The following HDX variants were observed in gnomAD, a reference collection of about 807,000 sequenced individuals.
HDX encodes highly divergent homeobox.
A neutral mutation model predicts 45.2 loss-of-function variants in HDX; 19 were observed. That is an observed-to-expected ratio of 0.42 (90% CI 0.29 to 0.62). The LOEUF (loss-of-function observed/expected upper bound fraction) is 0.62. HDX is among the 20% of genes least tolerant of loss of function. HDX has a pLI of 0.20. For missense variants in HDX, 532 were observed against 493.9 expected (o/e 1.08, Z -0.73); for synonymous variants, 188 against 172.8 (o/e 1.09, Z -0.69).
At chrX:84,457,434 A>C (rs1486837740) in intron 4 of HDX, among the ~76,000 whole-genome samples, 2 of 112,095 alleles carry the variant, frequency 1.8e-5, no homozygotes, top group East Asian at 5.6e-4. Flanking sequence ...ATACTGGTGC[A>C]ACAAAACATT....
intron 5 of HDX, among the ~76,000 whole-genome samples, chrX:84,391,836 T>C (rs2038450521): frequency 8.9e-6 from 1 of 111,981 alleles, no homozygotes; most frequent in South Asian, 3.7e-4. Context: ...ATTCTGGATA[T>C]TAGTCCCTTA....
chrX:84,461,489 AC>A (rs1201007801), intron 4 of HDX, among the ~76,000 whole-genome samples: 1 of 109,393 alleles, frequency 9.1e-6, no homozygotes, highest in Admixed American at 9.7e-5. Context: ...ATGAAACTAG[AC>A]CCCCATCTCT....
intron 5 of HDX, among the ~76,000 whole-genome samples, chrX:84,380,852 C>A (rs1374258484): frequency 9.1e-6 from 1 of 110,378 alleles, no homozygotes; most frequent in Non-Finnish European, 1.9e-5. Flanking sequence ...CAATATACTA[C>A]TGGAAGTTCT....
chrX:84,373,041 AT>A (rs1159961623), intron 5 of HDX, among the ~76,000 whole-genome samples: 1 of 111,801 alleles, frequency 8.9e-6, no homozygotes, highest in African/African-American at 3.2e-5. Context: ...AAAATATGTC[AT>A]TTTTAATAAC....
chrX:84,454,403 C>T (rs1032865692), intron 4 of HDX, among the ~76,000 whole-genome samples: 4 of 111,340 alleles, frequency 3.6e-5, no homozygotes, highest in African/African-American at 1.3e-4. Context: ...CTGAAAAGTA[C>T]ATTGACCTTG....
chrX:84,391,390 A>C (rs1409773486), intron 5 of HDX, among the ~76,000 whole-genome samples: 1 of 112,041 alleles, frequency 8.9e-6, no homozygotes, highest in Non-Finnish European at 1.9e-5. Context: ...TGCTATTGTG[A>C]ATACTGCTGT....
intron 4 of HDX, among the ~76,000 whole-genome samples, chrX:84,455,959 T>C (rs1256196748): frequency 8.9e-6 from 1 of 112,176 alleles, no homozygotes; most frequent in African/African-American, 3.2e-5. Flanking sequence ...TGTCCTAGAA[T>C]AGTGTATCCA....
intron 5 of HDX, among the ~76,000 whole-genome samples, chrX:84,405,664 ATGTG>A (rs35051495): frequency 4.6e-5 from 4 of 87,287 alleles, no homozygotes; most frequent in African/African-American, 1.2e-4. Flanking sequence ...ATATATATAT[ATGTG>A]TGTGTGTGTG....
intron 5 of HDX, among the ~76,000 whole-genome samples, chrX:84,422,663 GTTTTT>G (rs779557860): frequency 1.5e-5 from 1 of 64,921 alleles, no homozygotes; most frequent in African/African-American, 5.6e-5. Context: ...GAAATAAAAG[GTTTTT>G]TTTTTTTTTT....
intron 4 of HDX, among the ~76,000 whole-genome samples, chrX:84,462,277 C>A (rs1172031792): frequency 8.9e-6 from 1 of 112,042 alleles, no homozygotes; most frequent in African/African-American, 3.2e-5. Context: ...AAGTGTCCAT[C>A]AACAGGTGAA....
chrX:84,386,218 T>C (rs754893441), intron 5 of HDX, among the ~76,000 whole-genome samples: 2 of 111,774 alleles, frequency 1.8e-5, no homozygotes, highest in East Asian at 5.6e-4. Flanking sequence ...TGTATTGTGG[T>C]AAATTAACTT....
chrX:84,425,397 A>ATTT (rs1207556320), intron 5 of HDX, among the ~76,000 whole-genome samples: 9 of 111,566 alleles, frequency 8.1e-5, no homozygotes, highest in Non-Finnish European at 1.5e-4. Context: ...CACTATGGAG[A>ATTT]ACAGTTTGGA....
At chrX:84,374,511 A>G (rs2037989279) in intron 5 of HDX, among the ~76,000 whole-genome samples, 1 of 107,581 alleles carries the variant, frequency 9.3e-6, no homozygotes, top group Non-Finnish European at 1.9e-5. Flanking sequence ...TTCAAACTAT[A>G]CTACAAGTCT....
chrX:84,346,811 T>C (rs1267503607), intron 6 of HDX, among the ~76,000 whole-genome samples: 1 of 111,662 alleles, frequency 9.0e-6, no homozygotes, highest in Non-Finnish European at 1.9e-5. Flanking sequence ...GGAGAATCTT[T>C]GGGGCTTCAG....
intron 1 of HDX, among the ~76,000 whole-genome samples, chrX:84,488,861 C>T (rs770220580): frequency 1.7e-4 from 19 of 111,689 alleles, no homozygotes; most frequent in Non-Finnish European, 3.2e-4. Flanking sequence ...GATACGGTGT[C>T]TGTCTCTTCA....
intron 4 of HDX, among the ~76,000 whole-genome samples, chrX:84,468,039 G>T (rs1443186163): frequency 9.0e-6 from 1 of 111,195 alleles, no homozygotes; most frequent in East Asian, 2.8e-4. Context: ...AGCACCTAAA[G>T]AAATTATTGA....
At chrX:84,467,401 C>A (rs778620116) in intron 4 of HDX, among the ~76,000 whole-genome samples, 31 of 110,340 alleles carry the variant, frequency 2.8e-4, no homozygotes, top group Middle Eastern at 4.6e-3. Context: ...CTGAGGTGGG[C>A]GGATCATCTG....
At chrX:84,395,118 A>T (rs1265441148) in intron 5 of HDX, among the ~76,000 whole-genome samples, 1 of 110,673 alleles carries the variant, frequency 9.0e-6, no homozygotes. Flanking sequence ...CTGTAGTGGT[A>T]AGAGTTGAGT....
At position 84,321,752 on chromosome X, in the gene HDX, A is replaced by T. The variant is rs769357208; in HGVS notation, c.*137T>A. On this transcript the variant is annotated 3_prime_UTR_variant, in exon 11 of 11. Coordinates refer to ENST00000373177, the MANE Select transcript of HDX (RefSeq NM_001177479.2). ...GCACTGTAGCCATTATATCTTGTAC[A>T]TTCTTCACAGAATACGTCCGTTTCA... The T allele has an allele frequency of 7.1e-6, 3 of 425,270 alleles. No homozygotes were observed. Among genetic ancestry groups the T allele is most frequent in the Non-Finnish European group, 1.2e-5 (3 of 259,091 alleles). The allele number at this position is 425,270 out of a possible 1,213,427, so 35.0% of individuals were successfully genotyped here.
Sources: gnomAD v4.1 joint callset for allele counts (sites outside exome capture counted in the v4.1 genomes callset) on GRCh38, gnomAD v4.1.1 for gene constraint, MANE v1.5 for transcripts, NCBI Gene and HGNC (gene_info 2026-07-23, HGNC 2026-07-21) for gene names.